Variants in TMTC2 observed in about 807,000 individuals in gnomAD.
The protein encoded by TMTC2 is transmembrane O-mannosyltransferase targeting cadherins 2.
A neutral mutation model predicts 82.4 loss-of-function variants in TMTC2; 43 were observed. The ratio of observed to expected loss-of-function variants is 0.52; its 90% CI spans 0.41 to 0.67. TMTC2 has a LOEUF of 0.67. Ranked by LOEUF, TMTC2 falls within the 30% of genes least tolerant of loss-of-function variation. The probability of loss-of-function intolerance (pLI) is 0.00; values close to 1 mark genes in which losing one functional copy is unlikely to be tolerated. For synonymous variants in TMTC2, 408 were observed against 381.9 expected, an observed-to-expected ratio of 1.07 and a Z score of -0.80; for missense variants, 919 against 1,012.4, an observed-to-expected ratio of 0.91 and a Z score of 1.25.
At chr12:82,788,326 A>T (rs113243011) in intron 1 of TMTC2, among the ~76,000 whole-genome samples, 2 of 152,146 alleles carry the variant, frequency 1.3e-5, no homozygotes, top group African/African-American at 2.4e-5. Context: ...TACAAATTCA[A>T]TGGAAATATT....
intron 11 of TMTC2, among the ~76,000 whole-genome samples, chr12:83,102,583 A>G (rs2137534924): frequency 6.6e-6 from 1 of 152,336 alleles, no homozygotes; most frequent in South Asian, 2.1e-4. Context: ...GATACTTCTG[A>G]TAAATAAACT....
chr12:82,749,849 T>C (rs1260590109), intron 1 of TMTC2, among the ~76,000 whole-genome samples: 1 of 150,786 alleles, frequency 6.6e-6, no homozygotes, highest in Non-Finnish European at 1.5e-5. Flanking sequence ...GCAATTCTCC[T>C]GCCTCTGCTT....
intron 3 of TMTC2, among the ~76,000 whole-genome samples, chr12:82,913,553 G>C (rs1006527756): frequency 6.6e-6 from 1 of 151,874 alleles, no homozygotes; most frequent in African/African-American, 2.4e-5. Flanking sequence ...AGAATATATG[G>C]CTTTATATCT....
In TMTC2 at chr12:83,122,767, C is replaced by G. The variant is rs143665674; in HGVS notation, c.2332-9443C>G. The stretch of plus-strand genomic sequence containing the variant: ...ATTTATTCCTGCAGTTGTTCTGGAG[C>G]AAAAATTCAGCATGGATCCTCCACA... On this transcript the variant is annotated intron_variant, in intron 11 of 11. Coordinates refer to ENST00000321196, the MANE Select transcript of TMTC2 (RefSeq NM_152588.3). Among the ~76,000 whole-genome samples, 4 of 152,188 alleles carry G rather than the reference C, an allele frequency of 2.6e-5. No individual in the cohort carries two copies. In the East Asian group the frequency reaches 7.8e-4, roughly 30 times the overall value.
At chr12:83,049,812 T>C (rs1882282366) in intron 9 of TMTC2, among the ~76,000 whole-genome samples, 1 of 152,224 alleles carries the variant, frequency 6.6e-6, no homozygotes, top group South Asian at 2.1e-4. Context: ...CTCTGCAACC[T>C]TGCCAGCATC....
At chr12:82,773,137 A>C in intron 1 of TMTC2, among the ~76,000 whole-genome samples, 1 of 152,282 alleles carries the variant, frequency 6.6e-6, no homozygotes, top group Middle Eastern at 3.4e-3. Context: ...TGCTGCTTCT[A>C]AACTTTCTCC....
At chr12:82,997,221 C>A (rs138885953) in intron 8 of TMTC2, among the ~76,000 whole-genome samples, 3,584 of 118,382 alleles carry the variant, frequency 0.03, 187 homozygotes, top group African/African-American at 0.1. Flanking sequence ...CTCTCTCTCT[C>A]TATATATATA....
intron 1 of TMTC2, among the ~76,000 whole-genome samples, chr12:82,689,359 C>T (rs962246206): frequency 2.0e-5 from 3 of 151,866 alleles, no homozygotes; most frequent in Non-Finnish European, 4.4e-5. Flanking sequence ...TTCACTAAAA[C>T]CACCTTGGGT....
intron 9 of TMTC2, among the ~76,000 whole-genome samples, chr12:83,033,460 A>C (rs1881522999): frequency 6.6e-6 from 1 of 152,188 alleles, no homozygotes; most frequent in Non-Finnish European, 1.5e-5. Flanking sequence ...CTTCCATAAA[A>C]TATATTCTGA....
intron 1 of TMTC2, among the ~76,000 whole-genome samples, chr12:82,785,635 G>A (rs971017865): frequency 5.3e-5 from 8 of 152,052 alleles, no homozygotes; most frequent in African/African-American, 1.9e-4. Context: ...AAAAGGAATG[G>A]TTTATTACCA....
intron 1 of TMTC2, among the ~76,000 whole-genome samples, chr12:82,794,550 T>C (rs562213327): frequency 4.7e-4 from 72 of 152,286 alleles, no homozygotes; most frequent in Non-Finnish European, 9.1e-4. Context: ...TCTATGGTTC[T>C]ATTTTGTGTT....
At chr12:82,887,757 T>C (rs1323831926) in intron 2 of TMTC2, among the ~76,000 whole-genome samples, 3 of 152,218 alleles carry the variant, frequency 2.0e-5, no homozygotes, top group East Asian at 3.8e-4. Context: ...TAAATAACTT[T>C]AAAAATGAAC....
intron 1 of TMTC2, among the ~76,000 whole-genome samples, chr12:82,780,206 C>A (rs1369526382): frequency 1.3e-5 from 2 of 152,124 alleles, no homozygotes; most frequent in African/African-American, 2.4e-5. Context: ...TGCAAACTTG[C>A]ATGCCTGCTG....
In TMTC2 at chr12:82,997,324, CTGTG is replaced by C. The variant is rs1317663170; in HGVS notation, c.2070+11300_2070+11303del. 9.6e-3 allele frequency among the ~76,000 whole-genome samples: 245 copies of C among 25,540 alleles called. 8 individuals carry two copies. The highest frequency in any genetic ancestry group is 0.024 in the Middle Eastern group (1 of 42). The allele number at this position is 25,540 out of a possible 152,430, so 16.8% of individuals were successfully genotyped here. A position where few individuals can be genotyped will look rare whatever the true frequency, so the allele number is the denominator to read the frequency against. On this transcript the variant is annotated intron_variant, in intron 8 of 11. Transcript: ENST00000321196. ...GCCTGGACTGTGTGTGTGTGTGTGTCTGTGTGTGTGTGTGTGTGTGTGTGTATAT... is the reference window on the plus strand; with the variant it reads ...GCCTGGACTGTGTGTGTGTGTGTGTCTGTGTGTGTGTGTGTGTGTGTATAT...
intron 3 of TMTC2, among the ~76,000 whole-genome samples, chr12:82,907,424 C>T (rs1874382849): frequency 6.6e-6 from 1 of 151,468 alleles, no homozygotes; most frequent in Non-Finnish European, 1.5e-5. Context: ...GATTGTGCCA[C>T]TGCACTCCAG....
At chr12:82,690,209 G>A (rs926698537) in intron 1 of TMTC2, 1 of 208,718 alleles carries the variant, frequency 4.8e-6, no homozygotes, top group South Asian at 1.7e-4. Flanking sequence ...TAAACTGTAG[G>A]ATGATGATAA....
intron 11 of TMTC2, among the ~76,000 whole-genome samples, chr12:83,076,856 CT>C (rs1216740960): frequency 6.6e-6 from 1 of 152,164 alleles, no homozygotes; most frequent in Non-Finnish European, 1.5e-5. Context: ...TATTAACTAT[CT>C]GAACTCCAAT....
intron 11 of TMTC2, among the ~76,000 whole-genome samples, chr12:83,096,194 A>G (rs1328734779): frequency 6.6e-6 from 1 of 152,232 alleles, no homozygotes; most frequent in East Asian, 1.9e-4. Context: ...GTTTGCCATA[A>G]TCATACACCA....
intron 7 of TMTC2, among the ~76,000 whole-genome samples, chr12:82,982,162 A>C (rs2137330223): frequency 6.6e-6 from 1 of 152,010 alleles, no homozygotes; most frequent in South Asian, 2.1e-4. Flanking sequence ...GTAAATAATA[A>C]ATTTTATATG....
Sources: gnomAD v4.1 joint callset for allele counts (sites outside exome capture counted in the v4.1 genomes callset) on GRCh38, gnomAD v4.1.1 for gene constraint, MANE v1.5 for transcripts, NCBI Gene and HGNC (gene_info 2026-07-23, HGNC 2026-07-21) for gene names.